Variants in HEATR4 observed in about 807,000 individuals in gnomAD.
The protein encoded by HEATR4 is HEAT repeat-containing protein 4.
Under a neutral mutation model 108.8 loss-of-function variants are expected in HEATR4, and 95 were observed. That is an observed-to-expected ratio of 0.87 (90% confidence interval 0.74 to 1.04). The LOEUF (loss-of-function observed/expected upper bound fraction) is 1.04. Among genes scored for constraint, HEATR4 ranks in the 50% least tolerant of loss-of-function variants. The pLI, the probability that HEATR4 is intolerant of heterozygous loss-of-function variation, is 0.00. For synonymous variants in HEATR4, 443 were observed against 459.4 expected (o/e 0.96, Z 0.46); for missense variants, 1,152 against 1,253.8 (o/e 0.92, Z 1.23).
chr14:73,499,407 G>A lies in HEATR4; in HGVS notation c.2287-267C>T, dbSNP rs546165060. On this transcript the variant is annotated intron_variant, in intron 12 of 17. Coordinates refer to ENST00000553558, the MANE Select transcript of HEATR4 (RefSeq NM_001220484.1). ...AGGTAGGAGAATTGCTTGGACCTGG[G>A]AGGCGGAGGTTGTAGTGAGCTGAGA... Among the ~76,000 whole-genome samples, 8 of 152,276 alleles carry A rather than the reference G, an allele frequency of 5.3e-5. No homozygotes were observed. The South Asian group carries it at 1.5e-3, about 28-fold the overall frequency.
At chr14:73,512,384 C>A (rs1473693403) in intron 6 of HEATR4, among the ~76,000 whole-genome samples, 4 of 152,184 alleles carry the variant, frequency 2.6e-5, no homozygotes, top group Admixed American at 2.0e-4. Flanking sequence ...GTATCTATCT[C>A]TCTTTCTTTA....
the HEATR4 span, among the ~76,000 whole-genome samples, chr14:73,574,036 A>AT: frequency 3.4e-4 from 50 of 148,110 alleles, 1 homozygote; most frequent in South Asian, 8.6e-4. Flanking sequence ...TAATATTTGT[A>AT]TTTTTTTTTT....
the HEATR4 span, among the ~76,000 whole-genome samples, chr14:73,585,459 C>A: frequency 6.6e-6 from 1 of 152,008 alleles, no homozygotes; most frequent in Non-Finnish European, 1.5e-5. Flanking sequence ...CTGAGGTGGG[C>A]GGATTACCTG....
the HEATR4 span, chr14:73,574,926 G>A: frequency 6.2e-7 from 1 of 1,611,160 alleles, no homozygotes; most frequent in Admixed American, 1.7e-5. Context: ...TCCAGGAGTT[G>A]GGCTGCTTGG....
At chr14:73,591,879 C>G in the HEATR4 span, 10 of 1,291,872 alleles carry the variant, frequency 7.7e-6, no homozygotes, top group African/African-American at 1.4e-4. Flanking sequence ...CGCCGGACGC[C>G]GTCCGGACAT....
rs1432475804 is a variant in HEATR4, at chr14:73,478,798, G to C, written c.2889C>G (p.Val963=). 6.2e-7 allele frequency: 1 copy of C among 1,611,612 alleles called. No individual in the cohort carries two copies. The highest frequency in any genetic ancestry group is 1.1e-5 in the South Asian group (1 of 91,040). The change falls in exon 18 of 18, where the codon GTC becomes GTG. Residue 963 remains valine (V), a synonymous_variant. Coordinates refer to ENST00000553558, the MANE Select transcript of HEATR4 (RefSeq NM_001220484.1). ...RAPNPWLQSS[V]PGLTTRSKVR... ...CTTTGCTTCGTGTGGTTAGGCCTGG[G>C]ACTGAACTTTGTAACCAGGGATTTG...
intron 16 of HEATR4, among the ~76,000 whole-genome samples, chr14:73,494,226 A>G (rs967805151): frequency 6.6e-6 from 1 of 152,244 alleles, no homozygotes; most frequent in African/African-American, 2.4e-5. Context: ...TGTACCAGAA[A>G]GAGCACTGGA....
At chr14:73,509,597 TA>T in intron 7 of HEATR4, 124 bp from the exon 8 acceptor site, 3 of 906,224 alleles carry the variant, frequency 3.3e-6, no homozygotes, top group Non-Finnish European at 3.4e-6. Flanking sequence ...TGCTATGTAA[TA>T]TAATTACAGT....
In HEATR4 at chr14:73,514,307, C is replaced by T. The variant is rs1349209009; in HGVS notation, c.1211-73G>A. On this transcript the variant is annotated intron_variant, in intron 5 of 17. Coordinates refer to ENST00000553558, the MANE Select transcript of HEATR4 (RefSeq NM_001220484.1). ...CCTGCCACACAGTGGCCCCAGCTTG[C>T]ATCCCATTCCTATTCCTGACTAATA... The T allele has an allele frequency of 8.1e-6, 11 of 1,360,748 alleles. No individual in the cohort carries two copies. In the African/African-American group the frequency reaches 1.0e-4, roughly 12 times the overall value. The allele number at this position is 1,360,748 out of a possible 1,614,324, so 84.3% of individuals were successfully genotyped here.
At chr14:73,576,644 A>C in the HEATR4 span, among the ~76,000 whole-genome samples, 1 of 151,528 alleles carries the variant, frequency 6.6e-6, no homozygotes, top group Non-Finnish European at 1.5e-5. Context: ...CTCTACAAAA[A>C]AATAGCCAGA....
chr14:73,535,469 CTTTTTTTTTTTTTTTTTTT>C lies in HEATR4; in HGVS notation c.-151-5244_-151-5226del, dbSNP rs869167008. Among the ~76,000 whole-genome samples the C allele has an allele frequency of 9.8e-3, 162 of 16,532 alleles. 23 individuals are homozygous for C. The highest frequency in any genetic ancestry group is 0.015 in the Admixed American group (10 of 650). The allele number at this position is 16,532 out of a possible 152,430, so 10.8% of individuals were successfully genotyped here. A position where few individuals can be genotyped will look rare whatever the true frequency, so the allele number is the denominator to read the frequency against. ...CCTTTTTCTTTTCTTTTTCTTCTTT[CTTTTTTTTTTTTTTTTTTT>C]TTTTTTTTTTTTTTTTTTTGCCCAG... On this transcript the variant is annotated intron_variant, in intron 1 of 17. Coordinates refer to ENST00000553558, the MANE Select transcript of HEATR4 (RefSeq NM_001220484.1).
the HEATR4 span, among the ~76,000 whole-genome samples, chr14:73,599,657 C>G: frequency 1.3e-5 from 2 of 152,312 alleles, no homozygotes; most frequent in African/African-American, 4.8e-5. Flanking sequence ...TCTGCATGAC[C>G]TTTGTTCAGC....
At chr14:73,517,675 A>AG (rs1388402049) in intron 5 of HEATR4, among the ~76,000 whole-genome samples, 2 of 150,120 alleles carry the variant, frequency 1.3e-5, no homozygotes, top group African/African-American at 4.9e-5. Context: ...CAAAAAAAAA[A>AG]AAAAAAGAAG....
In HEATR4 at chr14:73,509,846, A is replaced by T. The variant is rs1325522411; in HGVS notation, c.1559-373T>A. 3.8e-4 allele frequency among the ~76,000 whole-genome samples: 25 copies of T among 65,514 alleles called. 1 individual carries two copies. Among genetic ancestry groups the T allele is most frequent in the African/African-American group, 6.9e-4 (12 of 17,336 alleles). The allele number at this position is 65,514 out of a possible 152,430, so 43.0% of individuals were successfully genotyped here. ...TATATATATATATATATATATATAT[A>T]TATATATATATATATATATATATTT... On this transcript the variant is annotated intron_variant, in intron 7 of 17. Transcript: ENST00000553558.
Position 73,492,618 on chromosome 14 carries a change from A to T in HEATR4, c.2844+448T>A. The T allele has an allele frequency of 6.2e-7, 1 of 1,613,914 alleles. No homozygotes were observed. The highest frequency in any genetic ancestry group is 1.3e-5 in the African/African-American group (1 of 75,012). Reference sequence around the variant, plus strand: ...CTTCCAATTCGCTGGGAGGCTGGAGAACCTGTAAACGTGGGGGCCCAGTTG... The same window carrying T: ...CTTCCAATTCGCTGGGAGGCTGGAGTACCTGTAAACGTGGGGGCCCAGTTG... On this transcript the variant is annotated intron_variant, in intron 17 of 17. Transcript: ENST00000553558. The surrounding 1 kb of genome is among the most constrained non-coding windows in gnomAD (Gnocchi z 4.9).
intron 11 of HEATR4, 45 bp downstream of exon 11, chr14:73,502,850 T>G (rs1886561401): frequency 6.7e-7 from 1 of 1,484,638 alleles, no homozygotes; most frequent in Non-Finnish European, 9.4e-7. Context: ...CCTAAACACT[T>G]CTAAGAATTT....
At chr14:73,628,623 C>A in the HEATR4 span, among the ~76,000 whole-genome samples, 1 of 152,124 alleles carries the variant, frequency 6.6e-6, no homozygotes, top group Non-Finnish European at 1.5e-5. Flanking sequence ...AGTGGTGGCG[C>A]ATGCCTGTAA....
the HEATR4 span, among the ~76,000 whole-genome samples, chr14:73,594,314 C>A: frequency 4.2e-4 from 64 of 152,276 alleles, no homozygotes; most frequent in African/African-American, 1.5e-3. Flanking sequence ...ATACATATGG[C>A]AAATGATCTG....
chr14:73,486,751 A>G (rs1391721237), intron 17 of HEATR4, among the ~76,000 whole-genome samples: 1 of 152,176 alleles, frequency 6.6e-6, no homozygotes, highest in African/African-American at 2.4e-5. Flanking sequence ...CTTCCTTCCC[A>G]GTATATTTAC....
Sources: allele counts gnomAD v4.1 joint callset (sites outside exome capture counted in the v4.1 genomes callset), GRCh38; gene constraint gnomAD v4.1.1; non-coding constraint Gnocchi (gnomAD v3.1); transcripts MANE v1.5; gene names NCBI Gene and HGNC (gene_info 2026-07-23, HGNC 2026-07-21).